TUT7: variants seen among roughly 807,000 people sequenced by gnomAD.
The protein encoded by TUT7 is terminal uridylyl transferase 7.
TUT7 carries 33 observed loss-of-function variants against 165.9 expected under a neutral mutation model. The ratio of observed to expected loss-of-function variants is 0.20; its 90% CI spans 0.15 to 0.27. The LOEUF (loss-of-function observed/expected upper bound fraction) is 0.27, where lower values mean the gene tolerates loss of function less well. Ranked by LOEUF, TUT7 falls within the 10% of genes least tolerant of loss-of-function variation. TUT7 has a pLI of 1.00. For synonymous variants in TUT7, 552 were observed against 608.1 expected, an observed-to-expected ratio of 0.91 and a Z score of 1.36; for missense variants, 1,338 against 1,762.3, an observed-to-expected ratio of 0.76 and a Z score of 4.31.
rs745581008 is a variant in TUT7, at chr9:86,309,535, C to T, written c.3510G>A (p.Ser1170=). ...IGDASRGSLS[S]YAYTLMVLYF... is the part of the protein sequence containing the mutation. The stretch of plus-strand genomic sequence containing the variant: ...ATAGCACCATAAGAGTATATGCATA[C>T]GATGATAAGCTGCCTCTAGATGCAT... The change falls in exon 20 of 27, where the codon TCG becomes TCA. Residue 1170 remains serine (S), a synonymous_variant. Transcript: ENST00000375963. 3.0e-5 allele frequency: 49 copies of T among 1,613,268 alleles called. No homozygotes were observed. Among genetic ancestry groups the T allele is most frequent in the African/African-American group, 1.1e-4 (8 of 74,824 alleles).
intron 2 of TUT7, among the ~76,000 whole-genome samples, chr9:86,352,135 T>C (rs1832355710): frequency 6.6e-6 from 1 of 152,160 alleles, no homozygotes; most frequent in Non-Finnish European, 1.5e-5. Flanking sequence ...TCACGATCCC[T>C]TTTGAAAAAC....
chr9:86,352,496 G>A, intron 2 of TUT7, 184 bp downstream of exon 2: 2 of 719,318 alleles, frequency 2.8e-6, no homozygotes, highest in Non-Finnish European at 4.6e-6. Flanking sequence ...TATGAAATGT[G>A]TTTTAGCTGC....
At chr9:86,301,781 G>A in intron 25 of TUT7, 180 bp from the exon 26 acceptor site, 1 of 985,298 alleles carries the variant, frequency 1.0e-6, no homozygotes, top group Non-Finnish European at 1.2e-6. Flanking sequence ...GCTCCCTCAG[G>A]GTTTAAGGGT....
chr9:86,353,369 C>T lies in TUT7; in HGVS notation c.-31-139G>A, dbSNP rs1052510003. The T allele has an allele frequency of 2.9e-5, 20 of 692,882 alleles. No individual in the cohort carries two copies. The African/African-American group carries it at 3.7e-4, about 13-fold the overall frequency. The allele number at this position is 692,882 out of a possible 1,614,324, so 42.9% of individuals were successfully genotyped here. A position where few individuals can be genotyped will look rare whatever the true frequency, so the allele number is the denominator to read the frequency against. ...TATTTTTTTAAAATAAAAATTCTATCACATTCTTAATAATCAGTGCTTTAC... is the reference window on the plus strand; with the variant it reads ...TATTTTTTTAAAATAAAAATTCTATTACATTCTTAATAATCAGTGCTTTAC... On this transcript the variant is annotated intron_variant, in intron 1 of 26. Coordinates refer to ENST00000375963, the MANE Select transcript of TUT7 (RefSeq NM_024617.4).
At chr9:86,340,320 A>C (rs993880495) in intron 7 of TUT7, among the ~76,000 whole-genome samples, 1 of 152,246 alleles carries the variant, frequency 6.6e-6, no homozygotes, top group Non-Finnish European at 1.5e-5. Context: ...TGTAAAGTGA[A>C]TGTTTCATTA....
chr9:86,351,985 ATAT>A (rs1832342450), intron 2 of TUT7, among the ~76,000 whole-genome samples: 1 of 152,198 alleles, frequency 6.6e-6, no homozygotes. Context: ...TTAGAAAAAC[ATAT>A]TATCTCCTTA....
intron 17 of TUT7, among the ~76,000 whole-genome samples, chr9:86,313,102 C>T (rs1042742935): frequency 3.4e-5 from 5 of 149,016 alleles, no homozygotes; most frequent in African/African-American, 1.2e-4. Context: ...TCCCCCTCTG[C>T]GAGAAACACC....
intron 11 of TUT7, chr9:86,326,335 T>C (rs1829796883): frequency 6.5e-6 from 1 of 154,646 alleles, no homozygotes; most frequent in Non-Finnish European, 1.5e-5. Context: ...TAAGTCTGGG[T>C]TTCCTCATCT....
chr9:86,296,381 T>C (rs1826319810), intron 26 of TUT7, among the ~76,000 whole-genome samples: 1 of 152,182 alleles, frequency 6.6e-6, no homozygotes, highest in South Asian at 2.1e-4. Context: ...TCCTTCCAAA[T>C]AAGTTCACCT....
chr9:86,353,365 C>A (rs953854765), intron 1 of TUT7, 135 bp from the exon 2 acceptor site: 6 of 694,574 alleles, frequency 8.6e-6, no homozygotes, highest in Non-Finnish European at 1.3e-5. Context: ...AATAAAAATT[C>A]TATCACATTC....
chr9:86,310,956 T>C (rs181884841), intron 17 of TUT7, 147 bp from the exon 18 acceptor site: 6 of 594,688 alleles, frequency 1.0e-5, no homozygotes, highest in African/African-American at 5.6e-5. Flanking sequence ...AATTCTGTTA[T>C]TAACAAACAT....
chr9:86,308,001 TA>T (rs1827678489), intron 22 of TUT7, among the ~76,000 whole-genome samples: 1 of 151,782 alleles, frequency 6.6e-6, no homozygotes. Flanking sequence ...TCTCAAAAAC[TA>T]AAAAATAGAA....
chr9:86,322,128 T>G (rs936289214), intron 14 of TUT7, among the ~76,000 whole-genome samples, 197 bp downstream of exon 14: 4 of 152,092 alleles, frequency 2.6e-5, no homozygotes, highest in Non-Finnish European at 4.4e-5. Flanking sequence ...CCTGCATCTC[T>G]CCTCATCCTT....
At chr9:86,352,071 C>G (rs567839256) in intron 2 of TUT7, among the ~76,000 whole-genome samples, 7 of 152,142 alleles carry the variant, frequency 4.6e-5, no homozygotes, top group African/African-American at 1.7e-4. Flanking sequence ...TGAAACCAAA[C>G]AGCAAAGCTT....
intron 10 of TUT7, chr9:86,337,000 A>C (rs1337398829): frequency 6.4e-6 from 1 of 156,084 alleles, no homozygotes; most frequent in Non-Finnish European, 1.4e-5. Flanking sequence ...ATGGGGAGAA[A>C]TAGATTAGAA....
At chr9:86,290,377 A>G (rs1475597657) in intron 26 of TUT7, among the ~76,000 whole-genome samples, 1 of 152,242 alleles carries the variant, frequency 6.6e-6, no homozygotes, top group Non-Finnish European at 1.5e-5. Context: ...AAAGCAGGAC[A>G]TCGAGATAAG....
At position 86,288,518 on chromosome 9, in the gene TUT7, C is replaced by G; in HGVS notation, c.*159G>C. 2.0e-6 allele frequency: 1 copy of G among 491,954 alleles called. No individual in the cohort carries two copies. Among genetic ancestry groups the G allele is most frequent in the Non-Finnish European group, 3.6e-6 (1 of 280,476 alleles). 30.5% of individuals were successfully genotyped at this position (491,954 alleles called of 1,614,324 possible). The stretch of plus-strand genomic sequence containing the variant: ...GATAAGACTATATTAAAAATTTTTC[C>G]TCATTAACAATTTCATTAAATTAAA... On this transcript the variant is annotated 3_prime_UTR_variant, in exon 27 of 27. Transcript: ENST00000375963.
rs761217897 is a variant in TUT7, at chr9:86,288,681, G to T, written c.4484C>A (p.Ser1495Ter). The T allele has an allele frequency of 6.2e-7, 1 of 1,613,588 alleles. No homozygotes were observed. Among genetic ancestry groups the T allele is most frequent in the Non-Finnish European group, 8.5e-7 (1 of 1,179,684 alleles). Residue 1495 changes from serine to a stop codon, truncating the protein, a stop_gained, in exon 27 of 27, where the codon TCA becomes TAA. Transcript: ENST00000375963. LOFTEE classifies it high-confidence loss of function. ...GAGTGCTGCATTTTCCTTCCCTCAT[G>T]ATTCCTGCTGGGTCCTCTTCGCTGA... ...KASAKRTQQE[S>*]
intron 17 of TUT7, among the ~76,000 whole-genome samples, chr9:86,314,323 C>T (rs1828507479): frequency 6.6e-6 from 1 of 152,180 alleles, no homozygotes; most frequent in Non-Finnish European, 1.5e-5. Context: ...CCTTTTCAGT[C>T]TCTTTTCTTA....
Sources: gnomAD v4.1 joint callset for allele counts (sites outside exome capture counted in the v4.1 genomes callset) on GRCh38, gnomAD v4.1.1 for gene constraint, MANE v1.5 for transcripts, NCBI Gene and HGNC (gene_info 2026-07-23, HGNC 2026-07-21) for gene names.